EPM2A: variants seen among roughly 807,000 people sequenced by gnomAD.
EPM2A encodes the protein EPM2A glucan phosphatase, laforin.
EPM2A carries 21 observed loss-of-function variants against 26.5 expected under a neutral mutation model. The observed-to-expected ratio is 0.79, with a 90% confidence interval of 0.56 to 1.14. The LOEUF is 1.14. Among genes scored for constraint, EPM2A ranks in the 50% most tolerant of loss-of-function variants. EPM2A has a pLI of 0.00. For synonymous variants in EPM2A, 217 were observed against 177.6 expected (o/e 1.22, Z -1.76); for missense variants, 458 against 440.8 (o/e 1.04, Z -0.35).
intron 4 of EPM2A, among the ~76,000 whole-genome samples, chr6:145,427,138 T>C (rs1778863137): frequency 6.6e-6 from 1 of 152,208 alleles, no homozygotes; most frequent in Admixed American, 6.5e-5. Flanking sequence ...CATCCTGTGC[T>C]CATTCTGGCA....
intron 2 of EPM2A, among the ~76,000 whole-genome samples, chr6:145,673,442 C>A (rs763289126): frequency 4.7e-4 from 72 of 152,274 alleles, no homozygotes; most frequent in South Asian, 1.7e-3. Flanking sequence ...GGGTGCAGCC[C>A]ACGGAGGGTG....
intron 4 of EPM2A, among the ~76,000 whole-genome samples, chr6:145,396,762 A>G (rs1778410617): frequency 6.6e-6 from 1 of 152,206 alleles, no homozygotes; most frequent in Non-Finnish European, 1.5e-5. Context: ...GGATGTAAAT[A>G]TGTTCTTGTA....
downstream of EPM2A, among the ~76,000 whole-genome samples, chr6:145,624,578 G>C (rs1275957533): frequency 3.3e-5 from 5 of 152,246 alleles, no homozygotes; most frequent in African/African-American, 1.2e-4. Context: ...AAAGTCATTT[G>C]ATGTCTGTGG....
intron 2 of EPM2A, among the ~76,000 whole-genome samples, chr6:145,677,018 G>A (rs956178537): frequency 2.0e-5 from 3 of 152,036 alleles, no homozygotes; most frequent in Non-Finnish European, 2.9e-5. Flanking sequence ...GATGAACATC[G>A]ATGCAAAAAT....
chr6:145,477,329 A>C (rs1012890805), intron 4 of EPM2A, among the ~76,000 whole-genome samples: 3 of 151,974 alleles, frequency 2.0e-5, no homozygotes, highest in Non-Finnish European at 4.4e-5. Flanking sequence ...TGATGGCTTC[A>C]CTGTTGAATT....
intron 2 of EPM2A, among the ~76,000 whole-genome samples, chr6:145,672,510 C>A (rs1238118561): frequency 2.6e-5 from 4 of 152,166 alleles, no homozygotes; most frequent in African/African-American, 9.7e-5. Flanking sequence ...TGGGTACCAC[C>A]AGATACTTTT....
At chr6:145,555,574 A>C (rs1780718059) in intron 2 of EPM2A, among the ~76,000 whole-genome samples, 1 of 152,110 alleles carries the variant, frequency 6.6e-6, no homozygotes, top group Admixed American at 6.6e-5. Context: ...ATTGAAAGTA[A>C]ATAGGGAAAT....
intron 2 of EPM2A, among the ~76,000 whole-genome samples, chr6:145,537,459 T>G (rs4896819): frequency 0.017 from 2,642 of 152,270 alleles, 25 homozygotes; most frequent in Admixed American, 0.024. Context: ...GCAGAAACAC[T>G]AGGAAATGGC....
chr6:145,536,332 G>A (rs550282665), intron 2 of EPM2A, among the ~76,000 whole-genome samples: 1 of 151,406 alleles, frequency 6.6e-6, no homozygotes, highest in East Asian at 1.9e-4. Flanking sequence ...GTCTCACTCT[G>A]TCACCCAGGC....
chr6:145,626,593 A>C lies in EPM2A; in HGVS notation c.*823T>G. On this transcript the variant is annotated 3_prime_UTR_variant, in exon 4 of 4. Coordinates refer to ENST00000367519, the MANE Select transcript of EPM2A (RefSeq NM_005670.4). ...ACTAAATGCACTACATGATGCTGGG[A>C]AAACAAGTTGTGATGAAAACAGTGC... 2 of 985,678 alleles carry C rather than the reference A, an allele frequency of 2.0e-6. No individual in the cohort carries two copies. Among genetic ancestry groups the C allele is most frequent in the Non-Finnish European group, 2.4e-6 (2 of 829,812 alleles). The allele number at this position is 985,678 out of a possible 1,614,324, so 61.1% of individuals were successfully genotyped here.
intron 2 of EPM2A, among the ~76,000 whole-genome samples, chr6:145,581,493 A>G (rs1402886027): frequency 6.6e-6 from 1 of 152,078 alleles, no homozygotes; most frequent in African/African-American, 2.4e-5. Context: ...GAAGCTCTTT[A>G]GTTTAATTAG....
intron 2 of EPM2A, among the ~76,000 whole-genome samples, chr6:145,678,561 C>T (rs747239062): frequency 9.9e-5 from 15 of 151,954 alleles, no homozygotes; most frequent in South Asian, 2.1e-4. Context: ...AAGAAAAAAA[C>T]GAACAACCCC....
intron 2 of EPM2A, among the ~76,000 whole-genome samples, chr6:145,560,297 T>C (rs1329954614): frequency 1.3e-5 from 2 of 152,176 alleles, no homozygotes; most frequent in African/African-American, 4.8e-5. Flanking sequence ...CAGAAATGTC[T>C]CATAGCATAT....
chr6:145,647,460 T>A (rs867033122), intron 2 of EPM2A, among the ~76,000 whole-genome samples: 3 of 152,212 alleles, frequency 2.0e-5, no homozygotes, highest in Non-Finnish European at 2.9e-5. Context: ...TCCCATGGCA[T>A]CTTATACATA....
chr6:145,580,990 T>C (rs1191211764), intron 2 of EPM2A, among the ~76,000 whole-genome samples: 1 of 152,238 alleles, frequency 6.6e-6, no homozygotes, highest in Non-Finnish European at 1.5e-5. Context: ...GGCATGCATA[T>C]GTCTTTATGG....
downstream of EPM2A, among the ~76,000 whole-genome samples, chr6:145,499,977 T>C (rs775730055): frequency 5.3e-5 from 8 of 151,626 alleles, no homozygotes; most frequent in Non-Finnish European, 7.4e-5. Context: ...CCTGACAACA[T>C]AAAAATGTTT....
At chr6:145,482,499 C>T (rs920324402) in intron 4 of EPM2A, among the ~76,000 whole-genome samples, 2 of 151,822 alleles carry the variant, frequency 1.3e-5, no homozygotes, top group African/African-American at 4.8e-5. Context: ...CCATGGATAC[C>T]AATAAAGAGC....
intron 4 of EPM2A, among the ~76,000 whole-genome samples, chr6:145,484,418 G>A (rs536473984): frequency 6.6e-6 from 1 of 151,926 alleles, no homozygotes; most frequent in African/African-American, 2.4e-5. Context: ...TAGGTATTCT[G>A]GAGAATTTTT....
At chr6:145,602,339 A>G (rs1781427126) in intron 2 of EPM2A, among the ~76,000 whole-genome samples, 1 of 152,250 alleles carries the variant, frequency 6.6e-6, no homozygotes, top group Admixed American at 6.5e-5. Context: ...TATGAAGTGT[A>G]TATCTAATAA....
Sources: allele counts gnomAD v4.1 joint callset (sites outside exome capture counted in the v4.1 genomes callset), GRCh38; gene constraint gnomAD v4.1.1; transcripts MANE v1.5; gene names NCBI Gene and HGNC (gene_info 2026-07-23, HGNC 2026-07-21).